The following CACNB2 variants were observed in gnomAD, a reference collection of about 807,000 sequenced individuals.
CACNB2 encodes calcium voltage-gated channel auxiliary subunit beta 2, also known as voltage-dependent L-type calcium channel subunit beta-2.
Under a neutral mutation model 73.3 loss-of-function variants are expected in CACNB2, and 42 were observed. That is an observed-to-expected ratio of 0.57 (90% CI 0.45 to 0.74). The LOEUF is 0.74. Among genes scored for constraint, CACNB2 ranks in the 30% least tolerant of loss-of-function variants. The pLI, the probability that CACNB2 is intolerant of heterozygous loss-of-function variation, is 0.00. For synonymous variants in CACNB2, 348 were observed against 310.3 expected, an observed-to-expected ratio of 1.12 and a Z score of -1.28; for missense variants, 940 against 853.0, an observed-to-expected ratio of 1.10 and a Z score of -1.27.
intron 2 of CACNB2, among the ~76,000 whole-genome samples, chr10:18,300,573 G>A (rs2039467742): frequency 6.6e-6 from 1 of 152,214 alleles, no homozygotes; most frequent in Non-Finnish European, 1.5e-5. Flanking sequence ...AACTCTAGGT[G>A]TTTGTTATGC....
intron 2 of CACNB2, among the ~76,000 whole-genome samples, chr10:18,248,872 AC>A (rs1399953476): frequency 1.3e-5 from 2 of 152,004 alleles, no homozygotes; most frequent in African/African-American, 4.8e-5. Context: ...ATCAGCCTAA[AC>A]CTGACTCTCA....
At chr10:18,401,127 G>C in intron 2 of CACNB2, 10 of 1,613,968 alleles carry the variant, frequency 6.2e-6, no homozygotes, top group Non-Finnish European at 8.5e-6. Flanking sequence ...TCGTTTGTGG[G>C]GAGAGGTTAT....
chr10:18,179,171 C>CT (rs2033752615), intron 2 of CACNB2, among the ~76,000 whole-genome samples: 1 of 152,060 alleles, frequency 6.6e-6, no homozygotes, highest in Admixed American at 6.6e-5. Context: ...TTTTTTTCTA[C>CT]TTTTTTTAGC....
At chr10:18,358,298 G>A (rs2132192149) in intron 2 of CACNB2, among the ~76,000 whole-genome samples, 1 of 152,262 alleles carries the variant, frequency 6.6e-6, no homozygotes, top group African/African-American at 2.4e-5. Context: ...ATGTTGGCCA[G>A]GCTGTTCTCA....
intron 2 of CACNB2, among the ~76,000 whole-genome samples, chr10:18,282,640 T>C (rs2038603642): frequency 6.6e-6 from 1 of 152,230 alleles, no homozygotes; most frequent in African/African-American, 2.4e-5. Context: ...ATTCAATTTG[T>C]TGGGAAACAG....
At chr10:18,370,330 G>A (rs932304097) in intron 2 of CACNB2, among the ~76,000 whole-genome samples, 53 of 151,998 alleles carry the variant, frequency 3.5e-4, no homozygotes, top group African/African-American at 1.2e-3. Context: ...GTCTTGCTCT[G>A]TCACCCAGGC....
At chr10:18,329,799 G>T (rs2040728890) in intron 2 of CACNB2, among the ~76,000 whole-genome samples, 1 of 151,992 alleles carries the variant, frequency 6.6e-6, no homozygotes, top group Non-Finnish European at 1.5e-5. Flanking sequence ...TTTATTTTAT[G>T]CTATTATATT....
intron 3 of CACNB2, among the ~76,000 whole-genome samples, chr10:18,426,243 T>C (rs1289717887): frequency 4.6e-5 from 7 of 152,254 alleles, no homozygotes; most frequent in Non-Finnish European, 2.9e-5. Context: ...ATCTTACCCA[T>C]AAATAGGAAC....
chr10:18,183,925 T>C (rs1296072619), intron 2 of CACNB2, among the ~76,000 whole-genome samples: 2 of 152,180 alleles, frequency 1.3e-5, no homozygotes, highest in Non-Finnish European at 2.9e-5. Context: ...GGAGAGTTAC[T>C]GAATTGTTCT....
chr10:18,187,860 C>A (rs770609899), intron 2 of CACNB2, among the ~76,000 whole-genome samples: 1 of 152,072 alleles, frequency 6.6e-6, no homozygotes, highest in Non-Finnish European at 1.5e-5. Context: ...TAATCTCTGG[C>A]CTTCAAAATG....
At chr10:18,355,641 T>A (rs1482598494) in intron 2 of CACNB2, among the ~76,000 whole-genome samples, 3 of 151,526 alleles carry the variant, frequency 2.0e-5, no homozygotes, top group Admixed American at 6.6e-5. Flanking sequence ...TTTTTTTTTT[T>A]TTTTTATTTT....
intron 2 of CACNB2, among the ~76,000 whole-genome samples, chr10:18,315,517 A>AC (rs2040141054): frequency 2.3e-5 from 3 of 131,776 alleles, no homozygotes; most frequent in Non-Finnish European, 3.2e-5. Flanking sequence ...AAAAAAAAAA[A>AC]AAAAAAAAAA....
At chr10:18,224,246 C>T (rs2035900064) in intron 2 of CACNB2, 1 of 151,816 alleles carries the variant, frequency 6.6e-6, no homozygotes, top group African/African-American at 2.4e-5. Context: ...AGCAAACTTT[C>T]TAACTCCTTT....
At chr10:18,180,451 CTT>C (rs75790306) in intron 2 of CACNB2, among the ~76,000 whole-genome samples, 2 of 145,272 alleles carry the variant, frequency 1.4e-5, no homozygotes, top group African/African-American at 5.0e-5. Flanking sequence ...GTAAGGCTGC[CTT>C]TTTTTTTTTT....
At chr10:18,390,152 ATTTG>A (rs1241850973) in intron 2 of CACNB2, among the ~76,000 whole-genome samples, 1 of 151,578 alleles carries the variant, frequency 6.6e-6, no homozygotes, top group African/African-American at 2.4e-5. Context: ...GCCCAGATTC[ATTTG>A]TTTGATTGTT....
intron 2 of CACNB2, among the ~76,000 whole-genome samples, chr10:18,182,660 A>G (rs980702152): frequency 6.6e-6 from 1 of 151,908 alleles, no homozygotes; most frequent in Non-Finnish European, 1.5e-5. Flanking sequence ...CGTCTCTACT[A>G]AAATACAAAA....
intron 2 of CACNB2, among the ~76,000 whole-genome samples, chr10:18,256,351 G>A (rs2037286557): frequency 6.6e-6 from 1 of 152,084 alleles, no homozygotes; most frequent in Non-Finnish European, 1.5e-5. Context: ...TTGAACTATT[G>A]ACCAGGTTAT....
At chr10:18,366,194 G>A (rs2042339023) in intron 2 of CACNB2, among the ~76,000 whole-genome samples, 1 of 152,058 alleles carries the variant, frequency 6.6e-6, no homozygotes, top group African/African-American at 2.4e-5. Context: ...CGCTGAGGGC[G>A]GTGGCTCACG....
intron 2 of CACNB2, among the ~76,000 whole-genome samples, chr10:18,217,590 G>C (rs1161935786): frequency 6.6e-6 from 1 of 152,032 alleles, no homozygotes; most frequent in East Asian, 1.9e-4. Context: ...AGGGAAGTCA[G>C]AGTGTGTATT....
Sources: gnomAD v4.1 joint callset for allele counts (sites outside exome capture counted in the v4.1 genomes callset) on GRCh38, gnomAD v4.1.1 for gene constraint, MANE v1.5 for transcripts, NCBI Gene and HGNC (gene_info 2026-07-23, HGNC 2026-07-21) for gene names.